The following ATP1A3 variants were observed in gnomAD, a reference collection of about 807,000 sequenced individuals.
The protein encoded by ATP1A3 is sodium/potassium-transporting ATPase subunit alpha-3.
Under a neutral mutation model 108.8 loss-of-function variants are expected in ATP1A3, and 12 were observed. The ratio of observed to expected loss-of-function variants is 0.11; its 90% confidence interval spans 0.07 to 0.18. ATP1A3 has a LOEUF of 0.18. Among genes scored for constraint, ATP1A3 ranks in the 10% least tolerant of loss-of-function variants. The pLI is 1.00. For missense variants in ATP1A3, 498 were observed against 1,387.7 expected, an observed-to-expected ratio of 0.36 and a Z score of 10.19; for synonymous variants, 539 against 564.5, an observed-to-expected ratio of 0.95 and a Z score of 0.64.
chr19:41,993,981 G>T lies in ATP1A3; in HGVS notation c.6+90C>A. The T allele has an allele frequency of 3.8e-6, 6 of 1,577,278 alleles. No individual in the cohort carries two copies. The South Asian group carries it at 6.9e-5, about 18-fold the overall frequency. ...CGCAGGCCTGGCCCCGGAGCGCAGGGGTCCCGGTGCCCCCGCCCCCCGCGC... is the reference window on the plus strand; with the variant it reads ...CGCAGGCCTGGCCCCGGAGCGCAGGTGTCCCGGTGCCCCCGCCCCCCGCGC... On this transcript the variant is annotated intron_variant, in intron 1 of 22. Transcript: ENST00000648268.
At chr19:41,976,360 C>T in intron 15 of ATP1A3, 56 bp downstream of exon 15, 1 of 1,609,104 alleles carries the variant, frequency 6.2e-7, no homozygotes, top group Non-Finnish European at 8.5e-7. Context: ...GCCCCGGCCT[C>T]AGTGAGGACC....
intron 4 of ATP1A3, 113 bp downstream of exon 4, chr19:41,987,823 G>A (rs572309767): frequency 5.9e-6 from 8 of 1,352,306 alleles, no homozygotes; most frequent in Non-Finnish European, 7.3e-6. Context: ...AGTTAGATGG[G>A]AAAAAGGGGG....
In ATP1A3 at chr19:41,967,852, C is replaced by T; in HGVS notation, c.2820-89G>A. 2.8e-6 allele frequency: 3 copies of T among 1,086,050 alleles called. No individual in the cohort carries two copies. The highest frequency in any genetic ancestry group is 4.2e-6 in the Non-Finnish European group (3 of 717,620). 67.3% of individuals were successfully genotyped at this position (1,086,050 alleles called of 1,614,324 possible). A position where few individuals can be genotyped will look rare whatever the true frequency, so the allele number is the denominator to read the frequency against. ...GAGACAGGGGGAGGCACAGTGCAGA[C>T]ACCCAGAGACAGCAGCACAGACACA... On this transcript the variant is annotated intron_variant, in intron 20 of 22. Transcript: ENST00000648268. This position sits in a 1 kb window ranked among gnomAD's most constrained non-coding sequence, Gnocchi z 4.2.
At chr19:41,989,570 C>T (rs1011187115) in intron 1 of ATP1A3, among the ~76,000 whole-genome samples, 15 of 151,640 alleles carry the variant, frequency 9.9e-5, no homozygotes, top group Middle Eastern at 3.2e-3. Flanking sequence ...CCGCCCGTCT[C>T]GGCCTCCCAA....
intron 18 of ATP1A3, 146 bp from the exon 19 acceptor site, chr19:41,969,726 G>A: frequency 1.6e-6 from 2 of 1,217,946 alleles, no homozygotes; most frequent in Non-Finnish European, 2.3e-6. Flanking sequence ...CCCAGAGGGT[G>A]ACCTGAGGTC....
In ATP1A3 at chr19:41,968,621, A is replaced by G. The variant is rs145937694; in HGVS notation, c.2819+164T>C. On this transcript the variant is annotated intron_variant, in intron 20 of 22. Transcript: ENST00000648268. This position sits in a 1 kb window ranked among gnomAD's most constrained non-coding sequence, Gnocchi z 5.0. Reference sequence around the variant, plus strand: ...AGCCCAGGAGGTCGAGGCTGCAGTGAGCTATGATTACACCACTGAACTCCA... The same window carrying G: ...AGCCCAGGAGGTCGAGGCTGCAGTGGGCTATGATTACACCACTGAACTCCA... Among the ~76,000 whole-genome samples the G allele has an allele frequency of 0.016, 2,474 of 152,236 alleles. 67 individuals are homozygous for G. The highest frequency in any genetic ancestry group is 0.056 in the African/African-American group (2,308 of 41,528).
At chr19:41,979,687 G>A (rs972916913) in intron 11 of ATP1A3, among the ~76,000 whole-genome samples, 8 of 152,180 alleles carry the variant, frequency 5.3e-5, no homozygotes, top group Admixed American at 4.6e-4. Flanking sequence ...CTTAGGGCTG[G>A]GAGTGTCGGG....
rs1297425698 is a variant in ATP1A3 at position 41,967,062 on chromosome 19, G to C, written c.3014-97C>G. On this transcript the variant is annotated intron_variant, in intron 22 of 22. Transcript: ENST00000648268. The surrounding 1 kb of genome is among the most constrained non-coding windows in gnomAD (Gnocchi z 4.2). Reference sequence around the variant, plus strand: ...GCAGAGAGAGGGACAGAGAGGGAGAGAGACAAGGAAACCACACAGACAGAG... The same window carrying C: ...GCAGAGAGAGGGACAGAGAGGGAGACAGACAAGGAAACCACACAGACAGAG... 1 of 1,551,516 alleles carries C rather than the reference G, an allele frequency of 6.4e-7. No homozygotes were observed. The highest frequency in any genetic ancestry group is 1.4e-5 in the African/African-American group (1 of 73,000).
Position 41,981,496 on chromosome 19 carries a change from G to A in ATP1A3, c.1437+6C>T. 6.2e-7 allele frequency: 1 copy of A among 1,614,174 alleles called. No homozygotes were observed. The highest frequency in any genetic ancestry group is 8.5e-7 in the Non-Finnish European group (1 of 1,180,020). On this transcript the variant is annotated splice_donor_region_variant and intron_variant, in intron 11 of 22. Coordinates refer to ENST00000648268, the MANE Select transcript of ATP1A3 (RefSeq NM_152296.5). This position sits in a 1 kb window ranked among gnomAD's most constrained non-coding sequence, Gnocchi z 5.0. ...CAGGCTGGCTCTCCCGGAAAGCCCA[G>A]AGTACCTGGTATTTGTTGGTGGAAT... is the stretch of plus-strand genomic sequence containing the variant.
intron 15 of ATP1A3, 117 bp from the exon 16 acceptor site, chr19:41,975,914 C>T: frequency 7.2e-7 from 1 of 1,381,938 alleles, no homozygotes; most frequent in Non-Finnish European, 1.0e-6. Context: ...AGTTCAGGTC[C>T]CCAACCTCCT....
Position 41,967,017 on chromosome 19 carries a change from C to G in ATP1A3, c.3014-52G>C, listed in dbSNP as rs2075049865. 2 of 1,551,440 alleles carry G rather than the reference C, an allele frequency of 1.3e-6. No homozygotes were observed. The highest frequency in any genetic ancestry group is 1.4e-5 in the African/African-American group (1 of 72,960). Reference sequence around the variant, plus strand: ...AGACAGAGTAAGAGATGGAGAGAGACAGGCAAGGCGAGCCGCCCAGCAGAG... The same window carrying G: ...AGACAGAGTAAGAGATGGAGAGAGAGAGGCAAGGCGAGCCGCCCAGCAGAG... On this transcript the variant is annotated intron_variant, in intron 22 of 22. Coordinates refer to ENST00000648268, the MANE Select transcript of ATP1A3 (RefSeq NM_152296.5). The surrounding 1 kb of genome is among the most constrained non-coding windows in gnomAD (Gnocchi z 4.2).
At chr19:41,971,420 G>C (rs781783817) in intron 16 of ATP1A3, among the ~76,000 whole-genome samples, 1 of 152,106 alleles carries the variant, frequency 6.6e-6, no homozygotes, top group African/African-American at 2.4e-5. Flanking sequence ...AAGAGAGGAG[G>C]ACTGTTTATG....
At chr19:41,970,059 A>T in intron 18 of ATP1A3, 126 bp downstream of exon 18, 1 of 1,486,972 alleles carries the variant, frequency 6.7e-7, no homozygotes, top group South Asian at 1.1e-5. Flanking sequence ...CAGATAGCTC[A>T]CTGGTTGGTC....
chr19:41,977,914 C>G, intron 14 of ATP1A3, 22 bp downstream of exon 14: 2 of 1,613,812 alleles, frequency 1.2e-6, no homozygotes, highest in Non-Finnish European at 8.5e-7. Context: ...GTCCAGGGCC[C>G]TGGCTGGGAT....
rs868949228 is a variant in ATP1A3, at chr19:41,988,210, C to T, written c.154-71G>A. The T allele has an allele frequency of 4.3e-6, 7 of 1,612,630 alleles. No individual in the cohort carries two copies. The Middle Eastern group carries it at 6.6e-4, about 153-fold the overall frequency. ...GCACCCCAGGCCTTCACCAGACCCC[C>T]AGAACTTAAGACACCAGCCACAGCC... On this transcript the variant is annotated intron_variant, in intron 3 of 22. Transcript: ENST00000648268. The surrounding 1 kb of genome is among the most constrained non-coding windows in gnomAD (Gnocchi z 5.3).
At position 41,978,378 on chromosome 19, in the gene ATP1A3, C is replaced by T. The variant is rs1555862199; in HGVS notation, c.1631-52G>A. On this transcript the variant is annotated intron_variant, in intron 12 of 22. Transcript: ENST00000648268. The surrounding 1 kb of genome is among the most constrained non-coding windows in gnomAD (Gnocchi z 8.3). The stretch of plus-strand genomic sequence containing the variant: ...GAGGGTCCCAGCCTCGGAACCTCCG[C>T]CCCATGCCCCTAGATGTCTGCATCG... 1 of 1,554,796 alleles carries T rather than the reference C, an allele frequency of 6.4e-7. No homozygotes were observed. The highest frequency in any genetic ancestry group is 2.4e-5 in the East Asian group (1 of 42,202).
intron 16 of ATP1A3, among the ~76,000 whole-genome samples, chr19:41,974,527 C>T (rs141172851): frequency 7.9e-4 from 121 of 152,238 alleles, no homozygotes; most frequent in Admixed American, 3.5e-3. Context: ...GAGACAAGGG[C>T]TGAGGACATT....
chr19:41,970,674 C>G, intron 16 of ATP1A3, 132 bp from the exon 17 acceptor site: 2 of 1,121,394 alleles, frequency 1.8e-6, no homozygotes, highest in South Asian at 3.2e-5. Flanking sequence ...CTGTGTTGCC[C>G]AGGCTGGAGT....
At chr19:41,982,865 C>T (rs2075248727) in intron 8 of ATP1A3, among the ~76,000 whole-genome samples, 2 of 152,144 alleles carry the variant, frequency 1.3e-5, no homozygotes, top group South Asian at 4.1e-4. Flanking sequence ...ATGCTGTTAG[C>T]AGCCAGATCA....
Sources: gnomAD v4.1 joint callset for allele counts (sites outside exome capture counted in the v4.1 genomes callset) on GRCh38, gnomAD v4.1.1 for gene constraint, Gnocchi (gnomAD v3.1) non-coding constraint, MANE v1.5 for transcripts, NCBI Gene and HGNC (gene_info 2026-07-23, HGNC 2026-07-21) for gene names.